LYST: variants seen among roughly 807,000 people sequenced by gnomAD.
The protein encoded by LYST is lysosomal-trafficking regulator.
Under a neutral mutation model 413.6 loss-of-function variants are expected in LYST, and 192 were observed. That is an observed-to-expected ratio of 0.46 (90% CI 0.41 to 0.52). The LOEUF (loss-of-function observed/expected upper bound fraction) is 0.52, where lower values mean the gene tolerates loss of function less well. LYST is among the 20% of genes least tolerant of loss of function. The probability of loss-of-function intolerance (pLI) is 0.00; values close to 1 mark genes in which losing one functional copy is unlikely to be tolerated. For missense variants in LYST, 3,815 were observed against 4,499.9 expected (o/e 0.85, Z 4.35); for synonymous variants, 1,525 against 1,567.3 (o/e 0.97, Z 0.64).
intron 22 of LYST, among the ~76,000 whole-genome samples, chr1:235,762,084 G>A (rs775610267): frequency 1.3e-5 from 2 of 151,476 alleles, no homozygotes; most frequent in African/African-American, 2.4e-5. Flanking sequence ...GTAACAAACC[G>A]GCACATTGTG....
chr1:235,817,790 G>C (rs768575056), intron 3 of LYST, among the ~76,000 whole-genome samples: 1 of 151,958 alleles, frequency 6.6e-6, no homozygotes, highest in Non-Finnish European at 1.5e-5. Context: ...TGATGAAATA[G>C]TCTGTACACC....
chr1:235,864,583 T>C (rs1558361777), intron 1 of LYST, among the ~76,000 whole-genome samples: 3 of 152,204 alleles, frequency 2.0e-5, no homozygotes, highest in African/African-American at 4.8e-5. Flanking sequence ...TGCTCAACCC[T>C]TCCCCTACAA....
At chr1:235,715,101 G>T in intron 42 of LYST, 100 bp downstream of exon 42, 1 of 1,078,422 alleles carries the variant, frequency 9.3e-7, no homozygotes, top group Non-Finnish European at 1.4e-6. Context: ...AGTTTGATTA[G>T]TCTTAATAGT....
intron 44 of LYST, among the ~76,000 whole-genome samples, chr1:235,703,341 T>A (rs1312983252): frequency 6.6e-6 from 1 of 152,162 alleles, no homozygotes; most frequent in Admixed American, 6.5e-5. Flanking sequence ...TGGTAGATAG[T>A]TGAAGAGATA....
In LYST at chr1:235,760,105, A is replaced by G. The variant is rs540013966; in HGVS notation, c.6254-506T>C. Among the ~76,000 whole-genome samples, 33 of 152,314 alleles carry G rather than the reference A, an allele frequency of 2.2e-4. 1 individual carries two copies. The East Asian group carries it at 6.4e-3, about 29-fold the overall frequency. On this transcript the variant is annotated intron_variant, in intron 22 of 52. Coordinates refer to ENST00000389793, the MANE Select transcript of LYST (RefSeq NM_000081.4). The stretch of plus-strand genomic sequence containing the variant: ...AATTAAGTGAAACTCAATTTACCTC[A>G]GGCTAGCAGTTACCAGGATGTAGTG...
chr1:235,790,415 C>T (rs988402328), intron 12 of LYST, among the ~76,000 whole-genome samples: 1 of 152,092 alleles, frequency 6.6e-6, no homozygotes, highest in African/African-American at 2.4e-5. Flanking sequence ...TATATAGAAC[C>T]AGCTGAGCAA....
At chr1:235,690,846 G>T (rs115327756) in intron 47 of LYST, among the ~76,000 whole-genome samples, 1 of 151,980 alleles carries the variant, frequency 6.6e-6, no homozygotes, top group Admixed American at 6.6e-5. Flanking sequence ...CTGTCCATAC[G>T]ATTTACAGTC....
intron 18 of LYST, among the ~76,000 whole-genome samples, chr1:235,774,657 G>A (rs1407452216): frequency 1.3e-5 from 2 of 152,054 alleles, no homozygotes; most frequent in East Asian, 3.9e-4. Context: ...GATATCTATG[G>A]CCCACCCAGG....
At position 235,759,409 on chromosome 1, in the gene LYST, A is replaced by G; in HGVS notation, c.6444T>C (p.Asn2148=). The part of the protein sequence containing the change: ...TYVATQSKKQ[N]SLGSSDTLKK... Reference sequence around the variant, plus strand: ...TCAGTGTGTCGGAACTCCCCAAAGAATTTTGTTTCTTTGATTGGGTGGCAA... The same window carrying G: ...TCAGTGTGTCGGAACTCCCCAAAGAGTTTTGTTTCTTTGATTGGGTGGCAA... The change falls in exon 23 of 53, where the codon AAT becomes AAC. Residue 2148 remains asparagine, a synonymous_variant. Coordinates refer to ENST00000389793, the MANE Select transcript of LYST (RefSeq NM_000081.4). 6.2e-7 allele frequency: 1 copy of G among 1,614,082 alleles called. No individual in the cohort carries two copies. Among genetic ancestry groups the G allele is most frequent in the Non-Finnish European group, 8.5e-7 (1 of 1,179,994 alleles).
rs745927782 is a variant in LYST at position 235,720,847 on chromosome 1, T to C, written c.9374A>G (p.Tyr3125Cys). ...LTNNLPNLLE[Y>C]GNITALTNLW... is the part of the protein sequence containing the mutation. ...ATTTGTCAGAGCGGTGATGTTACCA[T>C]ATTCCAGAAGATTAGGGAGGTTATT... Residue 3125 changes from tyrosine (Y) to cysteine (C), a missense_variant, in exon 40 of 53, where the codon TAT becomes TGT. By Grantham distance (194) the Tyr-to-Cys change is radical. Transcript: ENST00000389793. 1 of 1,613,736 alleles carries C rather than the reference T, an allele frequency of 6.2e-7. No homozygotes were observed. The highest frequency in any genetic ancestry group is 1.1e-5 in the South Asian group (1 of 91,066).
chr1:235,738,219 A>T, intron 31 of LYST: 1 of 1,610,682 alleles, frequency 6.2e-7, no homozygotes, highest in Non-Finnish European at 8.5e-7. Context: ...TTTCCTTAGA[A>T]CACCAAAGAT....
In LYST at chr1:235,791,954, G is replaced by C. The variant is rs1468055437; in HGVS notation, c.4288C>G (p.Arg1430Gly). The C allele has an allele frequency of 3.7e-6, 6 of 1,613,962 alleles. No homozygotes were observed. Among genetic ancestry groups the C allele is most frequent in the Non-Finnish European group, 5.1e-6 (6 of 1,180,000 alleles). Reference sequence around the variant, plus strand: ...GCCTCTTTCTTGCTCCGTGAAACTCGTGCTCTTCTCAATAAACCCATGGCC... The same window carrying C: ...GCCTCTTTCTTGCTCCGTGAAACTCCTGCTCTTCTCAATAAACCCATGGCC... Reference protein sequence around the residue: ...SKAMGLLRRARVSRSKKEADR... With the variant: ...SKAMGLLRRAGVSRSKKEADR... The change falls in exon 12 of 53, where the codon CGA (arginine) becomes GGA (glycine). Residue 1430 changes from arginine to glycine, a missense_variant. Physicochemically the swap from Arg to Gly is moderately radical, Grantham distance 125 (BLOSUM62 -2). Coordinates refer to ENST00000389793, the MANE Select transcript of LYST (RefSeq NM_000081.4).
chr1:235,777,100 A>G lies in LYST; in HGVS notation c.5423T>C (p.Ile1808Thr), dbSNP rs1242726201. Reference protein sequence around the residue: ...YKTIQGILHEIGGTGIFVFLF... With the variant: ...YKTIQGILHETGGTGIFVFLF... ...AAAAACAAATATGCCAGTTCCACCA[A>G]TTTCGTGCAGAATGCCTTGAATAGT... Residue 1808 changes from isoleucine (I) to threonine (T), a missense_variant, in exon 17 of 53, where the codon ATT becomes ACT. Transcript: ENST00000389793. 6.2e-7 allele frequency: 1 copy of G among 1,613,576 alleles called. No individual in the cohort carries two copies. Among genetic ancestry groups the G allele is most frequent in the Non-Finnish European group, 8.5e-7 (1 of 1,179,656 alleles).
chr1:235,765,268 T>C (rs546648463), intron 21 of LYST, among the ~76,000 whole-genome samples: 1 of 152,300 alleles, frequency 6.6e-6, no homozygotes, highest in Non-Finnish European at 1.5e-5. Context: ...CATCCTAAAC[T>C]TCCCACTTCT....
chr1:235,774,811 T>G, intron 18 of LYST, 102 bp downstream of exon 18: 1 of 768,990 alleles, frequency 1.3e-6, no homozygotes, highest in South Asian at 1.6e-5. Flanking sequence ...CTCCATTTTC[T>G]TCAGGAATAA....
chr1:235,708,151 C>CATT (rs896195645), intron 44 of LYST, among the ~76,000 whole-genome samples: 4 of 151,592 alleles, frequency 2.6e-5, no homozygotes, highest in African/African-American at 7.3e-5. Context: ...TACCAAATAG[C>CATT]ATTATTATTA....
At chr1:235,757,501 A>G in intron 23 of LYST, 43 bp from the exon 24 acceptor site, 3 of 1,448,774 alleles carry the variant, frequency 2.1e-6, no homozygotes, top group Admixed American at 3.3e-5. Context: ...TGACAAGAAA[A>G]GTACTTGATG....
At chr1:235,832,725 CA>C (rs1676127105) in intron 2 of LYST, among the ~76,000 whole-genome samples, 1 of 152,046 alleles carries the variant, frequency 6.6e-6, no homozygotes, top group Admixed American at 6.5e-5. Context: ...TTATCATAAA[CA>C]AAGCTACAAT....
At chr1:235,856,938 T>A (rs1160824520) in intron 1 of LYST, among the ~76,000 whole-genome samples, 1 of 129,872 alleles carries the variant, frequency 7.7e-6, no homozygotes, top group Non-Finnish European at 1.5e-5. Flanking sequence ...CAGGATATAC[T>A]GATTTTTTTT....
Sources: allele counts gnomAD v4.1 joint callset (sites outside exome capture counted in the v4.1 genomes callset), GRCh38; gene constraint gnomAD v4.1.1; transcripts MANE v1.5; gene names NCBI Gene and HGNC (gene_info 2026-07-23, HGNC 2026-07-21).